The following GLYR1 variants were observed in gnomAD, a reference collection of about 807,000 sequenced individuals.
The protein encoded by GLYR1 is cytokine-like nuclear factor N-PAC.
A neutral mutation model predicts 72.7 loss-of-function variants in GLYR1; 21 were observed. That is an observed-to-expected ratio of 0.29 (90% CI 0.20 to 0.42). GLYR1 has a LOEUF of 0.42. Among genes scored for constraint, GLYR1 ranks in the 10% least tolerant of loss-of-function variants. GLYR1 has a pLI of 1.00. For synonymous variants in GLYR1, 392 were observed against 270.2 expected (o/e 1.45, Z -4.42); for missense variants, 594 against 712.1 (o/e 0.83, Z 1.89).
intron 3 of GLYR1, among the ~76,000 whole-genome samples, chr16:4,842,256 A>AC (rs2085617521): frequency 6.7e-6 from 1 of 148,908 alleles, no homozygotes; most frequent in Admixed American, 6.7e-5. Context: ...AAAAAAAAAA[A>AC]CAACAACAAA....
At chr16:4,844,297 T>C (rs1567829654) in intron 3 of GLYR1, among the ~76,000 whole-genome samples, 1 of 152,212 alleles carries the variant, frequency 6.6e-6, no homozygotes, top group Non-Finnish European at 1.5e-5. Context: ...TTCCCCAACT[T>C]AGGACAGATC....
chr16:4,839,514 G>C (rs1024336929), intron 3 of GLYR1: 1 of 152,224 alleles, frequency 6.6e-6, no homozygotes, highest in African/African-American at 2.4e-5. Flanking sequence ...TAGTCACCAA[G>C]TGAAGCTGGC....
At chr16:4,837,331 G>A (rs1053725577) in intron 3 of GLYR1, among the ~76,000 whole-genome samples, 1 of 151,842 alleles carries the variant, frequency 6.6e-6, no homozygotes, top group Admixed American at 6.6e-5. Flanking sequence ...TACTTAGGAG[G>A]CTGCGGCAGG....
intron 10 of GLYR1, 31 bp downstream of exon 10, chr16:4,817,567 G>T (rs747766427): frequency 1.4e-6 from 2 of 1,383,410 alleles, no homozygotes; most frequent in Non-Finnish European, 2.1e-6. Context: ...AGACTCCACC[G>T]ATCCAACAGG....
chr16:4,821,162 A>C (rs951107932), intron 9 of GLYR1: 14 of 593,038 alleles, frequency 2.4e-5, no homozygotes, highest in Non-Finnish European at 3.9e-5. Context: ...CTGGAGCCAA[A>C]AAAATCCCTC....
intron 5 of GLYR1, among the ~76,000 whole-genome samples, chr16:4,828,316 G>A (rs997176830): frequency 6.6e-6 from 1 of 151,948 alleles, no homozygotes; most frequent in South Asian, 2.1e-4. Context: ...TGATCCGCCC[G>A]CCTCGGCCTC....
At chr16:4,831,469 C>G (rs2084789794) in intron 5 of GLYR1, among the ~76,000 whole-genome samples, 1 of 152,208 alleles carries the variant, frequency 6.6e-6, no homozygotes, top group Non-Finnish European at 1.5e-5. Flanking sequence ...TATCCTCTCC[C>G]TGTTCGAGAG....
At chr16:4,843,471 T>G (rs998274513) in intron 3 of GLYR1, 1 of 1,251,654 alleles carries the variant, frequency 8.0e-7, no homozygotes, top group African/African-American at 1.6e-5. Flanking sequence ...TCTTTTTAAA[T>G]CCATGGAGTT....
Position 4,817,578 on chromosome 16 carries a change from C to A in GLYR1, c.906+20G>T. On this transcript the variant is annotated intron_variant, in intron 10 of 15. Coordinates refer to ENST00000321919, the MANE Select transcript of GLYR1 (RefSeq NM_032569.4). ...CCCCAGACTCCACCGATCCAACAGG[C>A]ACCACCCCTGAATGCTTACTTTCTC... The A allele has an allele frequency of 6.7e-7, 1 of 1,488,160 alleles. No homozygotes were observed. The highest frequency in any genetic ancestry group is 1.1e-5 in the South Asian group (1 of 88,592). The allele number at this position is 1,488,160 out of a possible 1,614,324, so 92.2% of individuals were successfully genotyped here.
chr16:4,815,613 A>C (rs993527182), intron 10 of GLYR1, among the ~76,000 whole-genome samples: 5 of 152,222 alleles, frequency 3.3e-5, no homozygotes, highest in African/African-American at 1.2e-4. Flanking sequence ...GGCTCTCAAC[A>C]AATGTAGACA....
intron 6 of GLYR1, among the ~76,000 whole-genome samples, 183 bp downstream of exon 6, chr16:4,823,638 G>A (rs577097289): frequency 3.3e-5 from 5 of 151,748 alleles, no homozygotes; most frequent in South Asian, 2.1e-4. Flanking sequence ...CCGTCACCTC[G>A]AGCCTCACAG....
intron 5 of GLYR1, among the ~76,000 whole-genome samples, chr16:4,827,437 A>G (rs1351015854): frequency 6.6e-6 from 1 of 152,194 alleles, no homozygotes; most frequent in Non-Finnish European, 1.5e-5. Flanking sequence ...TCTCCTGCTC[A>G]TACGTCCTTT....
Position 4,846,228 on chromosome 16 carries a change from A to T in GLYR1, c.39-18T>A. 6.2e-7 allele frequency: 1 copy of T among 1,613,826 alleles called. No homozygotes were observed. The highest frequency in any genetic ancestry group is 1.1e-5 in the South Asian group (1 of 91,082). ...GTTTCCCCCTAGAGAAAACACAAAG[A>T]GTCAACACTTGCCCTGCAAAAGCCA... is the stretch of plus-strand genomic sequence containing the variant. On this transcript the variant is annotated intron_variant, in intron 1 of 15. Transcript: ENST00000321919.
rs2084204279 is a variant in GLYR1 at position 4,823,831 on chromosome 16, G to C, written c.614C>G (p.Thr205Ser). Residue 205 changes from threonine to serine, a missense_variant, in exon 6 of 16, where the codon ACC becomes AGC. By Grantham distance (58) the Thr-to-Ser change is moderately conservative. Coordinates refer to ENST00000321919, the MANE Select transcript of GLYR1 (RefSeq NM_032569.4). Reference sequence around the variant, plus strand: ...AGGAGAGCTCCTTACCTCGCTTGCGGTTGGCTGCCATTTAAACGCGGCCAT... The same window carrying C: ...AGGAGAGCTCCTTACCTCGCTTGCGCTTGGCTGCCATTTAAACGCGGCCAT... ...GPMAAFKWQP[T>S]ASEPVKDADP... 2 of 1,613,814 alleles carry C rather than the reference G, an allele frequency of 1.2e-6. No individual in the cohort carries two copies. The highest frequency in any genetic ancestry group is 1.3e-5 in the African/African-American group (1 of 74,964).
chr16:4,845,455 C>A (rs1489289838), intron 2 of GLYR1, among the ~76,000 whole-genome samples: 2 of 152,150 alleles, frequency 1.3e-5, no homozygotes, highest in Non-Finnish European at 2.9e-5. Flanking sequence ...GTTTTACAAG[C>A]AGTTAAAACT....
intron 3 of GLYR1, among the ~76,000 whole-genome samples, chr16:4,837,929 CAAAAAATAAATA>C (rs1319141472): frequency 9.0e-5 from 12 of 133,372 alleles, no homozygotes; most frequent in African/African-American, 3.1e-4. Flanking sequence ...GACTCCATCT[CAAAAAATAAATA>C]AATAAATAAA....
rs1026425900 is a variant in GLYR1, at chr16:4,804,570, T to G, written c.*666A>C. On this transcript the variant is annotated 3_prime_UTR_variant, in exon 16 of 16. Transcript: ENST00000321919. ...CTCCCTGGAAAGCCAGGGCCCCATC[T>G]TCTCGGGACTCTGCCAGTCTCTTTT... 1 of 152,808 alleles carries G rather than the reference T, an allele frequency of 6.5e-6. No individual in the cohort carries two copies. Among genetic ancestry groups the G allele is most frequent in the Non-Finnish European group, 1.5e-5 (1 of 68,214 alleles). 9.5% of individuals were successfully genotyped at this position (152,808 alleles called of 1,614,324 possible). A position where few individuals can be genotyped will look rare whatever the true frequency, so the allele number is the denominator to read the frequency against.
Position 4,804,922 on chromosome 16 carries a change from G to T in GLYR1, c.*314C>A. On this transcript the variant is annotated 3_prime_UTR_variant, in exon 16 of 16. Transcript: ENST00000321919. ...GCAGTTTCTGGGCAGCTTCTATCCT[G>T]GGGCGAGAGCCTGTGTGTGTGTGTG... 2.8e-6 allele frequency: 1 copy of T among 362,598 alleles called. No individual in the cohort carries two copies. The highest frequency in any genetic ancestry group is 5.1e-6 in the Non-Finnish European group (1 of 194,326). The allele number at this position is 362,598 out of a possible 1,614,324, so 22.5% of individuals were successfully genotyped here. A position where few individuals can be genotyped will look rare whatever the true frequency, so the allele number is the denominator to read the frequency against.
chr16:4,806,726 C>T (rs927280716), intron 15 of GLYR1, among the ~76,000 whole-genome samples: 3 of 151,768 alleles, frequency 2.0e-5, no homozygotes, highest in Non-Finnish European at 4.4e-5. Flanking sequence ...ATACCGCAAT[C>T]TGTAGAGTAA....
Sources: allele counts gnomAD v4.1 joint callset (sites outside exome capture counted in the v4.1 genomes callset), GRCh38; gene constraint gnomAD v4.1.1; transcripts MANE v1.5; gene names NCBI Gene and HGNC (gene_info 2026-07-23, HGNC 2026-07-21).